Variants in NMBR observed in about 807,000 individuals in gnomAD.
NMBR encodes neuromedin B receptor.
NMBR carries 16 observed loss-of-function variants against 20.5 expected under a neutral mutation model. The observed-to-expected ratio is 0.78, with a 90% confidence interval of 0.53 to 1.19. The LOEUF is 1.19. Ranked by LOEUF, NMBR falls within the 50% of genes most tolerant of loss-of-function variation. The pLI is 0.00. For synonymous variants in NMBR, 212 were observed against 196.6 expected, an observed-to-expected ratio of 1.08 and a Z score of -0.65; for missense variants, 582 against 499.1, an observed-to-expected ratio of 1.17 and a Z score of -1.58.
chr6:142,126,113 T>C (rs1778032297), intron 1 of NMBR, among the ~76,000 whole-genome samples: 1 of 151,944 alleles, frequency 6.6e-6, no homozygotes, highest in Non-Finnish European at 1.5e-5. Context: ...TTGACTATTT[T>C]AGAGATTCCA....
chr6:142,078,747 G>A lies in NMBR; in HGVS notation c.579C>T (p.Ser193=). ...EVARISSLDN[S]SFTACIPYPQ... ...GGTATGGGATACATGCTGTGAAGCT[G>A]CTATTATCCAAGCTACTGATGCGAG... The change falls in exon 3 of 4, where the codon AGC becomes AGT. Residue 193 remains serine (S), a synonymous_variant. Transcript: ENST00000258042. 1 of 1,614,008 alleles carries A rather than the reference G, an allele frequency of 6.2e-7. No homozygotes were observed. The highest frequency in any genetic ancestry group is 1.3e-5 in the African/African-American group (1 of 74,988).
At chr6:142,109,709 C>CTCTTTTAAAAT in intron 1 of NMBR, among the ~76,000 whole-genome samples, 1 of 152,138 alleles carries the variant, frequency 6.6e-6, no homozygotes, top group East Asian at 1.9e-4. Flanking sequence ...ATGTTTGTTA[C>CTCTTTTAAAAT]TCTTTTAAAA....
At chr6:142,101,106 A>G (rs1011794373) in intron 1 of NMBR, among the ~76,000 whole-genome samples, 9 of 152,212 alleles carry the variant, frequency 5.9e-5, no homozygotes, top group Admixed American at 3.9e-4. Flanking sequence ...AAAGTGATAT[A>G]CAGAAAACAG....
intron 2 of NMBR, among the ~76,000 whole-genome samples, chr6:142,080,311 C>CTTTT (rs767477652): frequency 1.8e-4 from 21 of 116,174 alleles, no homozygotes; most frequent in African/African-American, 3.7e-4. Flanking sequence ...TGCCCTATAT[C>CTTTT]TTTTTTTTTT....
At chr6:142,087,577 A>G (rs1344408324) in intron 2 of NMBR, among the ~76,000 whole-genome samples, 1 of 152,284 alleles carries the variant, frequency 6.6e-6, no homozygotes, top group South Asian at 2.1e-4. Flanking sequence ...CACCCTTAAC[A>G]TATGTCAAAA....
intron 1 of NMBR, among the ~76,000 whole-genome samples, chr6:142,146,101 T>C (rs1778427104): frequency 6.6e-6 from 1 of 152,186 alleles, no homozygotes. Context: ...GTAGGAAATA[T>C]GCCGCTGAGA....
intron 1 of NMBR, among the ~76,000 whole-genome samples, chr6:142,116,720 A>C (rs1347907945): frequency 6.6e-6 from 1 of 151,774 alleles, no homozygotes; most frequent in Non-Finnish European, 1.5e-5. Context: ...CATTCTTTTT[A>C]TTTCTTACCT....
intron 1 of NMBR, among the ~76,000 whole-genome samples, chr6:142,113,879 C>T (rs1777811230): frequency 6.6e-6 from 1 of 152,100 alleles, no homozygotes; most frequent in African/African-American, 2.4e-5. Flanking sequence ...ATAGACTAGG[C>T]TTTGACATTT....
At chr6:142,105,577 A>G (rs1777647459) in intron 1 of NMBR, among the ~76,000 whole-genome samples, 1 of 152,166 alleles carries the variant, frequency 6.6e-6, no homozygotes, top group Non-Finnish European at 1.5e-5. Flanking sequence ...GTAACTTCAA[A>G]CTAGACAAAA....
At chr6:142,106,554 A>T (rs1236161751) in intron 1 of NMBR, among the ~76,000 whole-genome samples, 4 of 152,202 alleles carry the variant, frequency 2.6e-5, no homozygotes. Flanking sequence ...CAGAGAAGCA[A>T]TTCTTACAGC....
At position 142,078,544 on chromosome 6, in the gene NMBR, A is replaced by T; in HGVS notation, c.771+11T>A. The stretch of plus-strand genomic sequence containing the variant: ...GACCACACACCACCAACCCACGCCT[A>T]CTAAGCTTACCTGTTTTTTGGTATG... On this transcript the variant is annotated intron_variant, in intron 3 of 3. Coordinates refer to ENST00000258042, the MANE Select transcript of NMBR (RefSeq NM_002511.4). 6.6e-7 allele frequency: 1 copy of T among 1,513,766 alleles called. No individual in the cohort carries two copies. Among genetic ancestry groups the T allele is most frequent in the Admixed American group, 1.7e-5 (1 of 57,184 alleles). The allele number at this position is 1,513,766 out of a possible 1,614,324, so 93.8% of individuals were successfully genotyped here. A position where few individuals can be genotyped will look rare whatever the true frequency, so the allele number is the denominator to read the frequency against.
chr6:142,126,559 A>T (rs1431497847), intron 1 of NMBR, among the ~76,000 whole-genome samples: 1 of 151,792 alleles, frequency 6.6e-6, no homozygotes, highest in African/African-American at 2.4e-5. Flanking sequence ...TTTTCTCTAC[A>T]TCTTACCAAC....
chr6:142,076,377 TG>T (rs1459342014), intron 3 of NMBR, among the ~76,000 whole-genome samples: 2 of 152,198 alleles, frequency 1.3e-5, no homozygotes, highest in Non-Finnish European at 2.9e-5. Context: ...CATTTCTGTT[TG>T]TATTAAATCC....
At chr6:142,134,177 A>G (rs2114609532) in intron 1 of NMBR, 1 of 489,160 alleles carries the variant, frequency 2.0e-6, no homozygotes, top group East Asian at 3.0e-5. Context: ...AATTAGCTGT[A>G]TATTTCAGAT....
intron 1 of NMBR, among the ~76,000 whole-genome samples, chr6:142,122,511 C>T (rs1777961772): frequency 6.6e-6 from 1 of 151,952 alleles, no homozygotes; most frequent in Admixed American, 6.6e-5. Flanking sequence ...CACAAAACAA[C>T]AGATTTTCTA....
intron 1 of NMBR, among the ~76,000 whole-genome samples, chr6:142,104,338 A>G (rs1346086720): frequency 6.6e-6 from 1 of 152,222 alleles, no homozygotes; most frequent in Non-Finnish European, 1.5e-5. Context: ...TATATGCATT[A>G]AGATATAACT....
intron 1 of NMBR, among the ~76,000 whole-genome samples, chr6:142,104,147 G>T: frequency 6.6e-6 from 1 of 152,070 alleles, no homozygotes; most frequent in Admixed American, 6.6e-5. Context: ...CAAAATGCTG[G>T]GTTTAGAGGC....
At chr6:142,144,749 G>A (rs1000835551) in intron 1 of NMBR, among the ~76,000 whole-genome samples, 6 of 152,126 alleles carry the variant, frequency 3.9e-5, no homozygotes, top group Admixed American at 6.6e-5. Context: ...TCTCATGAAA[G>A]GGTTAGCATA....
intron 1 of NMBR, among the ~76,000 whole-genome samples, chr6:142,130,019 C>A (rs1187443342): frequency 2.0e-5 from 3 of 151,994 alleles, no homozygotes; most frequent in Non-Finnish European, 4.4e-5. Context: ...TCAACTACAC[C>A]CCTGGTATGA....
Sources: gnomAD v4.1 joint callset for allele counts (sites outside exome capture counted in the v4.1 genomes callset) on GRCh38, gnomAD v4.1.1 for gene constraint, MANE v1.5 for transcripts, NCBI Gene and HGNC (gene_info 2026-07-23, HGNC 2026-07-21) for gene names.